The following AKAP3 variants were observed in gnomAD, a reference collection of about 807,000 sequenced individuals.
The protein encoded by AKAP3 is A-kinase anchor protein 3.
AKAP3 carries 27 observed loss-of-function variants against 57.2 expected under a neutral mutation model. That is an observed-to-expected ratio of 0.47 (90% CI 0.35 to 0.65). AKAP3 has a LOEUF of 0.65. Ranked by LOEUF, AKAP3 falls within the 30% of genes least tolerant of loss-of-function variation. AKAP3 has a pLI of 0.01. For synonymous variants in AKAP3, 334 were observed against 392.3 expected (o/e 0.85, Z 1.76); for missense variants, 959 against 1,040.0 (o/e 0.92, Z 1.07).
In AKAP3 at chr12:4,648,941, A is replaced by G. The variant is rs182995836; in HGVS notation, c.-441T>C. 3.1e-5 allele frequency: 20 copies of G among 647,718 alleles called. No individual in the cohort carries two copies. In the East Asian group the frequency reaches 3.6e-4, roughly 12 times the overall value. 40.1% of individuals were successfully genotyped at this position (647,718 alleles called of 1,614,324 possible). The stretch of plus-strand genomic sequence containing the variant: ...TTCCAGATCTGAGATTCCAACAGCC[A>G]AAGTCTTTTCACTTCCTTTCTTCCC... On this transcript the variant is annotated 5_prime_UTR_variant, in exon 1 of 6. Coordinates refer to ENST00000228850, the MANE Select transcript of AKAP3 (RefSeq NM_001278309.2).
chr12:4,638,301 G>A, intron 3 of AKAP3, 105 bp from the exon 4 acceptor site: 1 of 775,350 alleles, frequency 1.3e-6, no homozygotes, highest in Middle Eastern at 2.5e-4. Flanking sequence ...GATGAACAAT[G>A]CCTTCAATAG....
intron 5 of AKAP3, among the ~76,000 whole-genome samples, chr12:4,617,065 AAAG>A (rs1323211069): frequency 6.6e-6 from 1 of 152,164 alleles, no homozygotes; most frequent in African/African-American, 2.4e-5. Flanking sequence ...AATTAAAGAA[AAAG>A]AAAAAAATCT....
chr12:4,644,095 G>A (rs1267456528), intron 2 of AKAP3, among the ~76,000 whole-genome samples: 1 of 152,110 alleles, frequency 6.6e-6, no homozygotes, highest in African/African-American at 2.4e-5. Context: ...AATTTCAATC[G>A]ATTTTCTTTA....
At chr12:4,639,886 G>A (rs902690525) in intron 3 of AKAP3, among the ~76,000 whole-genome samples, 16 of 143,622 alleles carry the variant, frequency 1.1e-4, no homozygotes, top group African/African-American at 3.9e-4. Context: ...GCACCATCTC[G>A]GCTCACTGCA....
chr12:4,636,755 C>CT lies in AKAP3; in HGVS notation c.96+1345dup, dbSNP rs1014396778. The stretch of plus-strand genomic sequence containing the variant: ...CAAATAAATGTTTGATAAATGTTAA[C>CT]TTTTTTTTTATTTTGAGACAAGGTC... On this transcript the variant is annotated intron_variant, in intron 4 of 5. Transcript: ENST00000228850. Among the ~76,000 whole-genome samples, 44 of 151,778 alleles carry CT rather than the reference C, an allele frequency of 2.9e-4. No homozygotes were observed. The East Asian group carries it at 7.4e-3, about 25-fold the overall frequency.
At chr12:4,632,797 C>T (rs774576413) in intron 4 of AKAP3, among the ~76,000 whole-genome samples, 5 of 152,044 alleles carry the variant, frequency 3.3e-5, no homozygotes, top group African/African-American at 4.8e-5. Context: ...CCCGCCATCA[C>T]GCCCGGCTAA....
rs1366794506 is a variant in AKAP3 at position 4,627,201 on chromosome 12, A to T, written c.1701T>A (p.Ala567=). Residue 567 remains alanine, a synonymous_variant, in exon 5 of 6, where the codon GCT becomes GCA. Coordinates refer to ENST00000228850, the MANE Select transcript of AKAP3 (RefSeq NM_001278309.2). The part of the protein sequence containing the change: ...TNFPANEPPV[A]PDESCLKSAP... ...CAGACTTAAGGCAAGATTCATCGGGAGCTACAGGAGGTTCATTGGCAGGAA... is the reference window on the plus strand; with the variant it reads ...CAGACTTAAGGCAAGATTCATCGGGTGCTACAGGAGGTTCATTGGCAGGAA... 6.2e-7 allele frequency: 1 copy of T among 1,613,956 alleles called. No homozygotes were observed. Among genetic ancestry groups the T allele is most frequent in the African/African-American group, 1.3e-5 (1 of 74,882 alleles).
At chr12:4,641,364 G>A (rs545680995) in intron 3 of AKAP3, among the ~76,000 whole-genome samples, 5 of 152,090 alleles carry the variant, frequency 3.3e-5, no homozygotes, top group South Asian at 2.1e-4. Context: ...TACACCAGGC[G>A]CTCCACATCT....
In AKAP3 at chr12:4,625,080, C is replaced by T. The variant is rs887807554; in HGVS notation, c.2406+1416G>A. Among the ~76,000 whole-genome samples, 1 of 152,056 alleles carries T rather than the reference C, an allele frequency of 6.6e-6. No homozygotes were observed. Among genetic ancestry groups the T allele is most frequent in the African/African-American group, 2.4e-5 (1 of 41,396 alleles). ...CTTCAGCATATAGCCTCCCACTCCCCACCTCTACTAATTGCTATATACTGT... is the reference window on the plus strand; with the variant it reads ...CTTCAGCATATAGCCTCCCACTCCCTACCTCTACTAATTGCTATATACTGT... On this transcript the variant is annotated intron_variant, in intron 5 of 5. Transcript: ENST00000228850. This position sits in a 1 kb window ranked among gnomAD's most constrained non-coding sequence, Gnocchi z 5.4.
At chr12:4,638,056 C>T in intron 4 of AKAP3, 45 bp downstream of exon 4, 1 of 1,434,128 alleles carries the variant, frequency 7.0e-7, no homozygotes, top group Non-Finnish European at 9.8e-7. Context: ...TTAATGACAG[C>T]CCCCATATTC....
intron 4 of AKAP3, among the ~76,000 whole-genome samples, chr12:4,632,053 T>G (rs1294416037): frequency 6.6e-6 from 1 of 152,240 alleles, no homozygotes; most frequent in East Asian, 1.9e-4. Context: ...GTCAGCCTAA[T>G]GATAAGTTTC....
chr12:4,628,932 T>A, intron 4 of AKAP3, 127 bp from the exon 5 acceptor site: 1 of 899,414 alleles, frequency 1.1e-6, no homozygotes, highest in Non-Finnish European at 1.6e-6. Context: ...GCAATAAAAG[T>A]AACCATTTAT....
chr12:4,636,251 G>T, intron 4 of AKAP3: 1 of 428,512 alleles, frequency 2.3e-6, no homozygotes, highest in South Asian at 2.4e-5. Context: ...TGGAGGTAAA[G>T]AAACCTCAGA....
intron 5 of AKAP3, among the ~76,000 whole-genome samples, chr12:4,616,850 T>C (rs920569359): frequency 6.6e-6 from 1 of 152,146 alleles, no homozygotes; most frequent in African/African-American, 2.4e-5. Flanking sequence ...CCAAAAACTT[T>C]AACATTTATG....
At position 4,648,949 on chromosome 12, in the gene AKAP3, T is replaced by C. The variant is rs1200109908; in HGVS notation, c.-449A>G. ...CTGAGATTCCAACAGCCAAAGTCTT[T>C]TCACTTCCTTTCTTCCCCCTCTCCT... On this transcript the variant is annotated 5_prime_UTR_variant, in exon 1 of 6. Coordinates refer to ENST00000228850, the MANE Select transcript of AKAP3 (RefSeq NM_001278309.2). 8.9e-6 allele frequency: 6 copies of C among 671,122 alleles called. No homozygotes were observed. Among genetic ancestry groups the C allele is most frequent in the Non-Finnish European group, 1.5e-5 (6 of 396,212 alleles). The allele number at this position is 671,122 out of a possible 1,614,324, so 41.6% of individuals were successfully genotyped here.
Position 4,649,009 on chromosome 12 carries a change from A to C in AKAP3, c.-509T>G. 8.4e-7 allele frequency: 1 copy of C among 1,185,292 alleles called. No homozygotes were observed. Among genetic ancestry groups the C allele is most frequent in the South Asian group, 1.4e-5 (1 of 71,754 alleles). 73.4% of individuals were successfully genotyped at this position (1,185,292 alleles called of 1,614,324 possible). A position where few individuals can be genotyped will look rare whatever the true frequency, so the allele number is the denominator to read the frequency against. On this transcript the variant is annotated 5_prime_UTR_variant, in exon 1 of 6. Coordinates refer to ENST00000228850, the MANE Select transcript of AKAP3 (RefSeq NM_001278309.2). ...CAGCTTTCTTCTTAACCAACAATCT[A>C]CCCGAAACCGTCGTTTCTTGGTTAG...
rs146374513 is a variant in AKAP3 at position 4,627,001 on chromosome 12, G to A, written c.1901C>T (p.Ala634Val). The change falls in exon 5 of 6, where the codon GCG (alanine) becomes GTG (valine). Residue 634 changes from alanine (A) to valine (V), a missense_variant. Ala to Val is a moderately conservative substitution (Grantham distance 64). Coordinates refer to ENST00000228850, the MANE Select transcript of AKAP3 (RefSeq NM_001278309.2). ...EDRKLCERPL[A>V]SSPPRLYEDD... ...CTCATATAGCCTGGGGGGAGAAGAC[G>A]CCAACGGTCTTTCACACAACTTCCT... 80 of 1,614,088 alleles carry A rather than the reference G, an allele frequency of 5.0e-5. No homozygotes were observed. The highest frequency in any genetic ancestry group is 5.9e-5 in the Non-Finnish European group (70 of 1,180,000).
At chr12:4,629,285 CT>C (rs1209709857) in intron 4 of AKAP3, among the ~76,000 whole-genome samples, 4 of 152,154 alleles carry the variant, frequency 2.6e-5, no homozygotes, top group African/African-American at 9.7e-5. Context: ...TGATATCATT[CT>C]TTTTTTATGG....
chr12:4,632,365 G>C (rs1182555224), intron 4 of AKAP3, among the ~76,000 whole-genome samples: 1 of 152,162 alleles, frequency 6.6e-6, no homozygotes, highest in Non-Finnish European at 1.5e-5. Flanking sequence ...GCTGGTGTGT[G>C]ATGTTCCCAA....
Sources: gnomAD v4.1 joint callset for allele counts (sites outside exome capture counted in the v4.1 genomes callset) on GRCh38, gnomAD v4.1.1 for gene constraint, Gnocchi (gnomAD v3.1) non-coding constraint, MANE v1.5 for transcripts, NCBI Gene and HGNC (gene_info 2026-07-23, HGNC 2026-07-21) for gene names.